KCNT2: variants seen among roughly 807,000 people sequenced by gnomAD.
KCNT2 encodes the protein potassium channel subfamily T member 2.
In KCNT2, 67 loss-of-function variants were observed where a neutral mutation model predicts 153.8. The ratio of observed to expected loss-of-function variants is 0.44; its 90% CI spans 0.36 to 0.53. KCNT2 has a LOEUF of 0.53. Among genes scored for constraint, KCNT2 ranks in the 20% least tolerant of loss-of-function variants. The pLI is 0.00. For synonymous variants in KCNT2, 500 were observed against 458.8 expected (o/e 1.09, Z -1.15); for missense variants, 975 against 1,354.8 (o/e 0.72, Z 4.40).
At chr1:196,347,434 T>C (rs1666237180) in intron 14 of KCNT2, among the ~76,000 whole-genome samples, 1 of 152,170 alleles carries the variant, frequency 6.6e-6, no homozygotes, top group Non-Finnish European at 1.5e-5. Context: ...CAGGTGTGAT[T>C]TGTACTCACC....
At chr1:196,572,610 T>A (rs1327304996) in intron 1 of KCNT2, among the ~76,000 whole-genome samples, 1 of 152,064 alleles carries the variant, frequency 6.6e-6, no homozygotes. Flanking sequence ...TAGGTCATCA[T>A]TATCATGGAA....
chr1:196,560,034 T>C (rs925432838), intron 1 of KCNT2, among the ~76,000 whole-genome samples: 2 of 151,940 alleles, frequency 1.3e-5, no homozygotes, highest in Non-Finnish European at 2.9e-5. Context: ...TTAATTATTT[T>C]TCTTTTTAAA....
At chr1:196,607,044 C>T (rs1473709023) in intron 1 of KCNT2, among the ~76,000 whole-genome samples, 1 of 152,082 alleles carries the variant, frequency 6.6e-6, no homozygotes, top group Admixed American at 6.6e-5. Flanking sequence ...TTTCAAATTA[C>T]TAATATGAGA....
intron 23 of KCNT2, among the ~76,000 whole-genome samples, chr1:196,282,666 A>G (rs1012824454): frequency 1.3e-5 from 2 of 152,252 alleles, no homozygotes; most frequent in South Asian, 2.1e-4. Flanking sequence ...AAAAACCCCA[A>G]ATGAAATGAT....
intron 12 of KCNT2, among the ~76,000 whole-genome samples, chr1:196,402,434 T>A (rs1427804741): frequency 1.3e-5 from 2 of 151,552 alleles, no homozygotes; most frequent in East Asian, 3.9e-4. Context: ...AGTTTATAAT[T>A]TTAACAAGTG....
chr1:196,251,213 C>T (rs1026675610), intron 26 of KCNT2, among the ~76,000 whole-genome samples: 6 of 152,066 alleles, frequency 3.9e-5, no homozygotes, highest in African/African-American at 1.4e-4. Context: ...TAAGTTTCAT[C>T]AAGAGATGGA....
chr1:196,423,613 AG>A (rs1341353164), intron 11 of KCNT2, among the ~76,000 whole-genome samples: 1 of 151,682 alleles, frequency 6.6e-6, no homozygotes, highest in Non-Finnish European at 1.5e-5. Flanking sequence ...TCTTAAGTTT[AG>A]TGATAAAGAC....
At chr1:196,562,645 A>G (rs1186263971) in intron 1 of KCNT2, among the ~76,000 whole-genome samples, 2 of 151,798 alleles carry the variant, frequency 1.3e-5, no homozygotes, top group Non-Finnish European at 2.9e-5. Context: ...AAAATAATAA[A>G]TTGGTCATGA....
At chr1:196,534,647 C>G (rs1473861029) in intron 1 of KCNT2, among the ~76,000 whole-genome samples, 1 of 152,048 alleles carries the variant, frequency 6.6e-6, no homozygotes, top group Non-Finnish European at 1.5e-5. Context: ...AAAAAGGAAG[C>G]CTGCTTCTTA....
chr1:196,449,916 A>G (rs1214039683), intron 8 of KCNT2, among the ~76,000 whole-genome samples: 2 of 151,784 alleles, frequency 1.3e-5, no homozygotes, highest in Non-Finnish European at 2.9e-5. Flanking sequence ...GAGGGTAGGA[A>G]AATGCTTTTA....
At chr1:196,328,116 G>T (rs1389956553) in intron 18 of KCNT2, among the ~76,000 whole-genome samples, 2 of 151,986 alleles carry the variant, frequency 1.3e-5, no homozygotes, top group East Asian at 1.9e-4. Context: ...TTAAATAAAA[G>T]AAAGAAAGTA....
intron 12 of KCNT2, among the ~76,000 whole-genome samples, chr1:196,415,825 CTTG>C (rs768185063): frequency 3.3e-5 from 5 of 152,036 alleles, no homozygotes; most frequent in East Asian, 1.9e-4. Context: ...CAATGACACT[CTTG>C]TTGTCCCTTT....
intron 1 of KCNT2, among the ~76,000 whole-genome samples, chr1:196,558,650 A>C (rs1326888547): frequency 6.6e-6 from 1 of 151,470 alleles, no homozygotes; most frequent in South Asian, 2.1e-4. Context: ...ATGCTGACTT[A>C]AATAAGTTTA....
At chr1:196,303,478 T>A (rs1390992740) in intron 22 of KCNT2, among the ~76,000 whole-genome samples, 1 of 152,162 alleles carries the variant, frequency 6.6e-6, no homozygotes, top group African/African-American at 2.4e-5. Flanking sequence ...TGAAATTACC[T>A]TCCACAATTA....
chr1:196,321,594 A>C (rs1272475041), intron 19 of KCNT2, among the ~76,000 whole-genome samples: 1 of 151,986 alleles, frequency 6.6e-6, no homozygotes, highest in Non-Finnish European at 1.5e-5. Context: ...AATTGCTTTA[A>C]CATCTGTATT....
At chr1:196,273,906 A>C (rs1406019068) in intron 25 of KCNT2, among the ~76,000 whole-genome samples, 1 of 151,708 alleles carries the variant, frequency 6.6e-6, no homozygotes, top group East Asian at 1.9e-4. Context: ...TTTAAGTATA[A>C]AAGTTTGATA....
At position 196,232,254 on chromosome 1, in the gene KCNT2, A is replaced by G. The variant is rs114217370; in HGVS notation, c.3296+3732T>C. On this transcript the variant is annotated intron_variant, in intron 27 of 27. Coordinates refer to ENST00000294725, the MANE Select transcript of KCNT2 (RefSeq NM_198503.5). Reference sequence around the variant, plus strand: ...AGTGCACATTACACTTTTTAATACCATATCATCTAGTGATTTATTATTGTT... The same window carrying G: ...AGTGCACATTACACTTTTTAATACCGTATCATCTAGTGATTTATTATTGTT... Among the ~76,000 whole-genome samples, 709 of 151,854 alleles carry G rather than the reference A, an allele frequency of 4.7e-3. 5 individuals are homozygous for G. Among genetic ancestry groups the G allele is most frequent in the African/African-American group, 0.016 (682 of 41,512 alleles).
At chr1:196,278,675 A>G (rs1658804339) in intron 25 of KCNT2, among the ~76,000 whole-genome samples, 1 of 152,168 alleles carries the variant, frequency 6.6e-6, no homozygotes, top group Non-Finnish European at 1.5e-5. Context: ...TAATACTGAC[A>G]TGGACATGGA....
chr1:196,238,342 T>C (rs1255050778), intron 26 of KCNT2, among the ~76,000 whole-genome samples: 2 of 151,938 alleles, frequency 1.3e-5, no homozygotes, highest in Non-Finnish European at 2.9e-5. Context: ...TCTGCTTAAG[T>C]AGCCTGTATT....
Sources: gnomAD v4.1 joint callset for allele counts (sites outside exome capture counted in the v4.1 genomes callset) on GRCh38, gnomAD v4.1.1 for gene constraint, MANE v1.5 for transcripts, NCBI Gene and HGNC (gene_info 2026-07-23, HGNC 2026-07-21) for gene names.